ECPAS: variants seen among roughly 807,000 people sequenced by gnomAD.
ECPAS encodes the protein proteasome adapter and scaffold protein ECM29.
A neutral mutation model predicts 255.1 loss-of-function variants in ECPAS; 70 were observed. The observed-to-expected ratio is 0.27, with a 90% confidence interval of 0.23 to 0.33. The LOEUF (loss-of-function observed/expected upper bound fraction) is 0.33. Among genes scored for constraint, ECPAS ranks in the 10% least tolerant of loss-of-function variants. The pLI is 1.00. For missense variants in ECPAS, 1,817 were observed against 2,206.4 expected (o/e 0.82, Z 3.54); for synonymous variants, 784 against 775.0 (o/e 1.01, Z -0.19).
At chr9:111,437,429 T>C (rs573157557) in intron 6 of ECPAS, among the ~76,000 whole-genome samples, 5 of 152,226 alleles carry the variant, frequency 3.3e-5, no homozygotes, top group Admixed American at 6.5e-5. Flanking sequence ...ATTTTGAGTT[T>C]TGAGCTGCCA....
rs7018469 is a variant in ECPAS, at chr9:111,432,994, T to C, written c.848+239A>G. On this transcript the variant is annotated intron_variant, in intron 8 of 49. Transcript: ENST00000684092. ...TTCATCTACCTAGCCAAAAGTCTCATTGATTGTGATGACATTCCTAACCTA... is the reference window on the plus strand; with the variant it reads ...TTCATCTACCTAGCCAAAAGTCTCACTGATTGTGATGACATTCCTAACCTA... 0.035 allele frequency among the ~76,000 whole-genome samples: 5,329 copies of C among 152,166 alleles called. 338 individuals carry two copies. Among genetic ancestry groups the C allele is most frequent in the African/African-American group, 0.12 (5,046 of 41,524 alleles).
intron 20 of ECPAS, among the ~76,000 whole-genome samples, chr9:111,413,385 A>G (rs2098197904): frequency 6.6e-6 from 1 of 152,200 alleles, no homozygotes; most frequent in Non-Finnish European, 1.5e-5. Flanking sequence ...AGAATGTATA[A>G]AACAGTATGA....
intron 9 of ECPAS, among the ~76,000 whole-genome samples, chr9:111,429,018 A>G (rs1051395485): frequency 2.0e-5 from 3 of 152,234 alleles, no homozygotes; most frequent in Non-Finnish European, 4.4e-5. Context: ...CTGATAAGCT[A>G]TCAAATCACT....
At chr9:111,412,694 T>C (rs1186527329) in intron 20 of ECPAS, among the ~76,000 whole-genome samples, 1 of 152,184 alleles carries the variant, frequency 6.6e-6, no homozygotes, top group African/African-American at 2.4e-5. Flanking sequence ...ATCTAAAACA[T>C]CAAAGTTCAA....
intron 3 of ECPAS, among the ~76,000 whole-genome samples, chr9:111,450,113 C>G (rs2131955397): frequency 6.6e-6 from 1 of 152,232 alleles, no homozygotes; most frequent in East Asian, 1.9e-4. Flanking sequence ...ACTGATTTCC[C>G]CAACTAGGTG....
intron 25 of ECPAS, among the ~76,000 whole-genome samples, chr9:111,396,252 A>G (rs1342083783): frequency 6.6e-6 from 1 of 152,132 alleles, no homozygotes; most frequent in African/African-American, 2.4e-5. Flanking sequence ...TTCAAATCAA[A>G]CCACAACAAA....
At chr9:111,398,347 G>C (rs1011746686) in intron 24 of ECPAS, among the ~76,000 whole-genome samples, 6 of 152,008 alleles carry the variant, frequency 3.9e-5, no homozygotes, top group African/African-American at 1.4e-4. Flanking sequence ...ACCTGTTTTT[G>C]CATGTTTCCT....
intron 48 of ECPAS, among the ~76,000 whole-genome samples, chr9:111,365,317 T>TCATCATCAA (rs2098119041): frequency 7.1e-6 from 1 of 141,688 alleles, no homozygotes; most frequent in Non-Finnish European, 1.6e-5. Flanking sequence ...ATCATCATCA[T>TCATCATCAA]CATCATCACC....
chr9:111,397,808 A>T (rs748279860), intron 24 of ECPAS, among the ~76,000 whole-genome samples: 1 of 152,250 alleles, frequency 6.6e-6, no homozygotes, highest in Non-Finnish European at 1.5e-5. Context: ...TGAAATGTTA[A>T]AATTTGGTAA....
At chr9:111,378,450 A>G (rs956292745) in intron 36 of ECPAS, 130 bp downstream of exon 36, 3 of 930,858 alleles carry the variant, frequency 3.2e-6, no homozygotes, top group Admixed American at 5.1e-5. Context: ...AAAAACAGTA[A>G]AACACTGCAT....
Position 111,372,565 on chromosome 9 carries a change from G to A in ECPAS, c.4392C>T (p.Ser1464=). The change falls in exon 42 of 50, where the codon AGC becomes AGT. Residue 1464 remains serine, a synonymous_variant. Coordinates refer to ENST00000684092, the MANE Select transcript of ECPAS (RefSeq NM_001364929.1). ...TTGCATGATTCTTTAATACATCAGG[G>A]CTGTATCGTCCAATAGCATGAATAG... ...ALTIHAIGRY[S]PDVLKNHAKE... 6.2e-7 allele frequency: 1 copy of A among 1,613,722 alleles called. No individual in the cohort carries two copies. Among genetic ancestry groups the A allele is most frequent in the South Asian group, 1.1e-5 (1 of 91,064 alleles).
intron 23 of ECPAS, 94 bp from the exon 24 acceptor site, chr9:111,408,766 G>T: frequency 4.4e-6 from 3 of 685,212 alleles, no homozygotes; most frequent in Non-Finnish European, 7.0e-6. Flanking sequence ...GGGAAGCGCA[G>T]TCTATCTAAC....
At chr9:111,372,706 T>C (rs2098128909) in intron 41 of ECPAS, 86 bp from the exon 42 acceptor site, 2 of 1,029,496 alleles carry the variant, frequency 1.9e-6, no homozygotes, top group Admixed American at 2.7e-5. Flanking sequence ...ACTCATATAA[T>C]AGCAAAACAA....
intron 8 of ECPAS, among the ~76,000 whole-genome samples, chr9:111,430,887 A>C (rs2098228842): frequency 6.6e-6 from 1 of 152,194 alleles, no homozygotes; most frequent in East Asian, 1.9e-4. Flanking sequence ...ACAATTTGGT[A>C]CCACAAGAAC....
At chr9:111,469,395 G>A (rs541863642) in intron 2 of ECPAS, among the ~76,000 whole-genome samples, 8 of 151,920 alleles carry the variant, frequency 5.3e-5, no homozygotes, top group East Asian at 3.9e-4. Flanking sequence ...TTAGCTGGGC[G>A]TGGTGACGGG....
At chr9:111,483,594 G>A in intron 1 of ECPAS, 1 of 481,596 alleles carries the variant, frequency 2.1e-6, no homozygotes, top group East Asian at 1.6e-4. Context: ...GGGCGCGGCC[G>A]GGGGGCTCGC....
chr9:111,483,282 T>A (rs2098309569), intron 1 of ECPAS, among the ~76,000 whole-genome samples: 1 of 151,878 alleles, frequency 6.6e-6, no homozygotes, highest in Non-Finnish European at 1.5e-5. Flanking sequence ...GGCTCCGGTT[T>A]CAATTTCGCA....
In ECPAS at chr9:111,397,092, G is replaced by T. The variant is rs747430054; in HGVS notation, c.2714C>A (p.Thr905Asn). ...GGCATCTCGGGCAGCCACAGAACTA[G>T]TTCCTATTGCAGCACTGGTAATGGC... ...GEAITSAAIG[T>N]SSVAARDAWQ... The change falls in exon 25 of 50, where the codon ACT (threonine) becomes AAT (asparagine). Residue 905 changes from threonine (T) to asparagine (N), a missense_variant. Transcript: ENST00000684092. 9 of 1,613,836 alleles carry T rather than the reference G, an allele frequency of 5.6e-6. No homozygotes were observed. Among genetic ancestry groups the T allele is most frequent in the African/African-American group, 1.3e-5 (1 of 74,930 alleles).
intron 1 of ECPAS, chr9:111,483,442 G>GC: frequency 2.2e-6 from 2 of 904,122 alleles, no homozygotes; most frequent in African/African-American, 1.8e-5. Context: ...GCGGCCGCCG[G>GC]CCCCCGGCAC....
Sources: gnomAD v4.1 joint callset for allele counts (sites outside exome capture counted in the v4.1 genomes callset) on GRCh38, gnomAD v4.1.1 for gene constraint, MANE v1.5 for transcripts, NCBI Gene and HGNC (gene_info 2026-07-23, HGNC 2026-07-21) for gene names.